USP25: variants seen among roughly 807,000 people sequenced by gnomAD.
USP25 encodes the protein ubiquitin specific peptidase 25.
USP25 carries 85 observed loss-of-function variants against 158.5 expected under a neutral mutation model. The ratio of observed to expected loss-of-function variants is 0.54; its 90% CI spans 0.45 to 0.64. The LOEUF (loss-of-function observed/expected upper bound fraction) is 0.64, where lower values mean the gene tolerates loss of function less well. USP25 is among the 30% of genes least tolerant of loss of function. The pLI is 0.00. For synonymous variants in USP25, 464 were observed against 460.4 expected (o/e 1.01, Z -0.10); for missense variants, 1,242 against 1,327.3 (o/e 0.94, Z 1.00).
Position 15,877,813 on chromosome 21 carries a change from C to G in USP25, c.3027C>G (p.Ala1009=), listed in dbSNP as rs763742439. 1 of 1,609,630 alleles carries G rather than the reference C, an allele frequency of 6.2e-7. No homozygotes were observed. Among genetic ancestry groups the G allele is most frequent in the Admixed American group, 1.7e-5 (1 of 59,370 alleles). ...RECLLKLNEQ[A]AELFESGEDR... is the part of the protein sequence containing the mutation. ...GCATTAAGAAATTAAATGAGCAAGCCGCAGAACTCTTCGAATCTGGAGAGG... is the reference window on the plus strand; with the variant it reads ...GCATTAAGAAATTAAATGAGCAAGCGGCAGAACTCTTCGAATCTGGAGAGG... The change falls in exon 25 of 26, where the codon GCC becomes GCG. Residue 1009 remains alanine, a synonymous_variant. Transcript: ENST00000400183.
At chr21:15,789,491 G>A (rs910300718) in intron 4 of USP25, among the ~76,000 whole-genome samples, 6 of 151,970 alleles carry the variant, frequency 3.9e-5, no homozygotes, top group African/African-American at 4.8e-5. Context: ...TAAATATAAC[G>A]ACAGATGTTC....
At chr21:15,874,263 C>T (rs1317624302) in intron 23 of USP25, 140 bp from the exon 24 acceptor site, 7 of 712,882 alleles carry the variant, frequency 9.8e-6, no homozygotes, top group Non-Finnish European at 1.5e-5. Context: ...CTCAAGCATA[C>T]ACTGCGTCAG....
intron 10 of USP25, among the ~76,000 whole-genome samples, chr21:15,822,033 A>G (rs2037260732): frequency 1.3e-5 from 2 of 151,924 alleles, no homozygotes; most frequent in South Asian, 2.1e-4. Context: ...TAAAATAATA[A>G]TATGTTTAGA....
At chr21:15,824,655 C>T (rs751703738) in intron 11 of USP25, among the ~76,000 whole-genome samples, 3 of 152,068 alleles carry the variant, frequency 2.0e-5, no homozygotes, top group African/African-American at 4.8e-5. Flanking sequence ...CTTGCTCTGT[C>T]GCCCAGGCTG....
At chr21:15,798,396 C>T (rs1322002955) in intron 5 of USP25, among the ~76,000 whole-genome samples, 11 of 151,254 alleles carry the variant, frequency 7.3e-5, no homozygotes, top group Admixed American at 6.6e-4. Context: ...CGTTTTTCTT[C>T]TGTGATTTCC....
At chr21:15,808,921 G>A (rs748030821) in intron 8 of USP25, 36 bp downstream of exon 8, 12 of 1,406,432 alleles carry the variant, frequency 8.5e-6, no homozygotes, top group Non-Finnish European at 9.0e-6. Context: ...GGGGTTTTAG[G>A]AATTCATTAG....
At chr21:15,754,422 T>C (rs1428512787) in intron 1 of USP25, among the ~76,000 whole-genome samples, 1 of 152,222 alleles carries the variant, frequency 6.6e-6, no homozygotes, top group Non-Finnish European at 1.5e-5. Context: ...TATGGTCTCA[T>C]TGATAACTTT....
intron 1 of USP25, among the ~76,000 whole-genome samples, chr21:15,737,268 G>C (rs1325522754): frequency 6.6e-6 from 1 of 151,900 alleles, no homozygotes; most frequent in East Asian, 1.9e-4. Context: ...CTTATATGTG[G>C]TCAGATAGTT....
In USP25 at chr21:15,833,474, T is replaced by C; in HGVS notation, c.2120T>C (p.Leu707Pro). The C allele has an allele frequency of 6.2e-7, 1 of 1,614,092 alleles. No individual in the cohort carries two copies. The highest frequency in any genetic ancestry group is 8.5e-7 in the Non-Finnish European group (1 of 1,179,986). ...GAACTAGAAGAATGGGATGCACAAC[T>C]TGCCCAGAAAGCTTTGCAGGAAAAG... ...EKELEEWDAQ[L>P]AQKALQEKLL... The change falls in exon 17 of 26, where the codon CTT becomes CCT. Residue 707 changes from leucine (L) to proline (P), a missense_variant. Leu to Pro is a moderately conservative substitution (Grantham distance 98, BLOSUM62 -3). Around this residue, in one of 3 missense-constraint regions of USP25, gnomAD observed 608 missense variants for 605.2 expected, o/e 1.00. Coordinates refer to ENST00000400183, the MANE Select transcript of USP25 (RefSeq NM_001283041.3).
At chr21:15,797,906 TTTA>T (rs758441164) in intron 5 of USP25, among the ~76,000 whole-genome samples, 29 of 151,304 alleles carry the variant, frequency 1.9e-4, no homozygotes, top group Non-Finnish European at 3.6e-4. Context: ...ATTGACCTAT[TTTA>T]TTATTCGTTA....
intron 23 of USP25, among the ~76,000 whole-genome samples, chr21:15,871,130 A>G (rs1269302889): frequency 6.6e-6 from 1 of 152,176 alleles, no homozygotes; most frequent in African/African-American, 2.4e-5. Context: ...ATAGTTATCA[A>G]AATTTTTAGT....
rs114991801 is a variant in USP25 at position 15,813,191 on chromosome 21, C to T, written c.931+1981C>T. The stretch of plus-strand genomic sequence containing the variant: ...GCTTCCGTGCTCCCAATCCTATAAC[C>T]CAACTTGTTCTGTGTAATCACCATT... On this transcript the variant is annotated intron_variant, in intron 9 of 25. Coordinates refer to ENST00000400183, the MANE Select transcript of USP25 (RefSeq NM_001283041.3). Among the ~76,000 whole-genome samples, 628 of 152,230 alleles carry T rather than the reference C, an allele frequency of 4.1e-3. 9 individuals are homozygous for T. Among genetic ancestry groups the T allele is most frequent in the African/African-American group, 0.015 (608 of 41,514 alleles).
intron 1 of USP25, among the ~76,000 whole-genome samples, chr21:15,732,815 C>T (rs2031067105): frequency 6.6e-6 from 1 of 152,058 alleles, no homozygotes; most frequent in African/African-American, 2.4e-5. Flanking sequence ...CTATAGAATT[C>T]ATTAGTCTTT....
chr21:15,846,554 G>C (rs1397233132), intron 18 of USP25, among the ~76,000 whole-genome samples: 1 of 151,928 alleles, frequency 6.6e-6, no homozygotes, highest in African/African-American at 2.4e-5. Flanking sequence ...TTCTATATAT[G>C]CTTCCAGGAA....
At chr21:15,855,128 A>G (rs2146510766) in intron 20 of USP25, among the ~76,000 whole-genome samples, 1 of 152,236 alleles carries the variant, frequency 6.6e-6, no homozygotes, top group African/African-American at 2.4e-5. Context: ...GATTAGTGTA[A>G]GTTTTTTCAT....
chr21:15,764,704 A>T (rs2033932282), intron 2 of USP25, among the ~76,000 whole-genome samples: 1 of 152,158 alleles, frequency 6.6e-6, no homozygotes, highest in Non-Finnish European at 1.5e-5. Flanking sequence ...AATGTTAGCC[A>T]TCATTATTGC....
chr21:15,799,618 GTCC>G (rs1439835654), intron 5 of USP25, 136 bp from the exon 6 acceptor site: 3 of 486,156 alleles, frequency 6.2e-6, no homozygotes, highest in African/African-American at 3.9e-5. Context: ...TCAGAAGTAT[GTCC>G]TCCTTGTGCC....
intron 18 of USP25, among the ~76,000 whole-genome samples, chr21:15,845,362 G>GA (rs2038531519): frequency 6.6e-6 from 1 of 151,974 alleles, no homozygotes; most frequent in African/African-American, 2.4e-5. Flanking sequence ...GAAAACAATA[G>GA]AAAAAGATAA....
intron 1 of USP25, among the ~76,000 whole-genome samples, chr21:15,734,874 A>T (rs1344149425): frequency 6.6e-6 from 1 of 152,190 alleles, no homozygotes; most frequent in Admixed American, 6.5e-5. Context: ...CATACGATAT[A>T]TGAATATTTA....
Sources: allele counts gnomAD v4.1 joint callset (sites outside exome capture counted in the v4.1 genomes callset), GRCh38; gene constraint gnomAD v4.1.1; regional missense constraint gnomAD v4.1.1; transcripts MANE v1.5; gene names NCBI Gene and HGNC (gene_info 2026-07-23, HGNC 2026-07-21).